The following TMEM170B variants were observed in gnomAD, a reference collection of about 807,000 sequenced individuals.
The protein encoded by TMEM170B is transmembrane protein 170B.
Under a neutral mutation model 13.0 loss-of-function variants are expected in TMEM170B, and 6 were observed. The observed-to-expected ratio is 0.46, with a 90% CI of 0.25 to 0.91. TMEM170B has a LOEUF of 0.91. Ranked by LOEUF, TMEM170B falls within the 40% of genes least tolerant of loss-of-function variation. The pLI is 0.17. For synonymous variants in TMEM170B, 61 were observed against 64.9 expected (o/e 0.94, Z 0.29); for missense variants, 138 against 165.2 (o/e 0.84, Z 0.90).
Position 11,575,177 on chromosome 6 carries a change from A to G in TMEM170B, c.269-254A>G, listed in dbSNP as rs1759857634. Among the ~76,000 whole-genome samples the G allele has an allele frequency of 6.6e-6, 1 of 152,142 alleles. No homozygotes were observed. The highest frequency in any genetic ancestry group is 1.5e-5 in the Non-Finnish European group (1 of 68,022). On this transcript the variant is annotated intron_variant, in intron 2 of 2. Transcript: ENST00000379426. This position sits in a 1 kb window ranked among gnomAD's most constrained non-coding sequence, Gnocchi z 4.1. ...TTTATGAACATATTTGCTATCAAGT[A>G]TGCAGCATATACCATAAATATATAT...
intron 1 of TMEM170B, among the ~76,000 whole-genome samples, chr6:11,550,478 C>CT (rs889169994): frequency 2.4e-4 from 36 of 147,558 alleles, no homozygotes; most frequent in African/African-American, 3.2e-4. Flanking sequence ...CAGCCAATTT[C>CT]TTTTTTTTTT....
chr6:11,554,223 T>A (rs1759560016), intron 1 of TMEM170B, among the ~76,000 whole-genome samples: 1 of 152,088 alleles, frequency 6.6e-6, no homozygotes, highest in African/African-American at 2.4e-5. Flanking sequence ...TTGTAAAACA[T>A]TTTATCCTTC....
At chr6:11,566,689 C>T (rs1759736998) in intron 2 of TMEM170B, among the ~76,000 whole-genome samples, 1 of 152,244 alleles carries the variant, frequency 6.6e-6, no homozygotes, top group Non-Finnish European at 1.5e-5. Flanking sequence ...CTTTGGAGGT[C>T]AAGTGCCCCA....
rs2113792290 is a variant in TMEM170B at position 11,582,562 on chromosome 6, T to A, written c.*7001T>A. ...TTTCTCTATTTTTTCTTTTTCCAAGTATGAAATGGAAAAAAATGTAGTTAA... is the reference window on the plus strand; with the variant it reads ...TTTCTCTATTTTTTCTTTTTCCAAGAATGAAATGGAAAAAAATGTAGTTAA... On this transcript the variant is annotated 3_prime_UTR_variant, in exon 3 of 3. Transcript: ENST00000379426. 1 of 152,320 alleles carries A rather than the reference T, an allele frequency of 6.6e-6. No individual in the cohort carries two copies. Among genetic ancestry groups the A allele is most frequent in the East Asian group, 1.9e-4 (1 of 5,192 alleles). The allele number at this position is 152,320 out of a possible 1,614,324, so 9.4% of individuals were successfully genotyped here.
intron 2 of TMEM170B, among the ~76,000 whole-genome samples, chr6:11,573,711 G>T (rs1288306183): frequency 2.0e-5 from 3 of 152,116 alleles, no homozygotes; most frequent in Non-Finnish European, 4.4e-5. Flanking sequence ...CCTTGCTGTG[G>T]ATCATGATTG....
At chr6:11,574,542 C>T (rs1239145610) in intron 2 of TMEM170B, among the ~76,000 whole-genome samples, 1 of 152,056 alleles carries the variant, frequency 6.6e-6, no homozygotes, top group Non-Finnish European at 1.5e-5. Flanking sequence ...TTTTATCTAA[C>T]CATTTTAGGA....
chr6:11,537,912 C>G lies in TMEM170B; in HGVS notation c.-366C>G, dbSNP rs1415179367. ...ACCGGCCTCCTGGCGTGACCTCGGC[C>G]TCCTCGCGTGTCCAGTCCCCGCGGC... On this transcript the variant is annotated 5_prime_UTR_variant, in exon 1 of 3. Coordinates refer to ENST00000379426, the MANE Select transcript of TMEM170B (RefSeq NM_001100829.3). 6.6e-6 allele frequency among the ~76,000 whole-genome samples: 1 copy of G among 151,698 alleles called. No individual in the cohort carries two copies. Among genetic ancestry groups the G allele is most frequent in the Non-Finnish European group, 1.5e-5 (1 of 67,846 alleles).
In TMEM170B at chr6:11,537,989, T is replaced by C. The variant is rs1003903759; in HGVS notation, c.-289T>C. On this transcript the variant is annotated 5_prime_UTR_variant, in exon 1 of 3. Coordinates refer to ENST00000379426, the MANE Select transcript of TMEM170B (RefSeq NM_001100829.3). ...CGGCGGCCTCCTCCGCCCCGAGTCC[T>C]CGCTCGGGGGCCGCGCGAGGACGGC... 4.0e-5 allele frequency among the ~76,000 whole-genome samples: 6 copies of C among 150,714 alleles called. No individual in the cohort carries two copies. Among genetic ancestry groups the C allele is most frequent in the Admixed American group, 2.0e-4 (3 of 15,196 alleles).
chr6:11,569,399 A>G (rs1041869439), intron 2 of TMEM170B, among the ~76,000 whole-genome samples: 1 of 152,100 alleles, frequency 6.6e-6, no homozygotes, highest in Non-Finnish European at 1.5e-5. Flanking sequence ...ATTCTGATAT[A>G]TTTTCTTCTA....
intron 2 of TMEM170B, among the ~76,000 whole-genome samples, chr6:11,574,634 C>T (rs1759850464): frequency 6.6e-6 from 1 of 152,116 alleles, no homozygotes; most frequent in South Asian, 2.1e-4. Context: ...AATGTTTCCT[C>T]CTTTATGGTT....
intron 1 of TMEM170B, among the ~76,000 whole-genome samples, chr6:11,551,871 A>T (rs772624353): frequency 1.3e-5 from 2 of 152,210 alleles, no homozygotes; most frequent in African/African-American, 2.4e-5. Context: ...TACTACCAGG[A>T]CATGATTATG....
rs527372471 is a variant in TMEM170B, at chr6:11,559,878, T to C, written c.98-5788T>C. 1.5e-4 allele frequency among the ~76,000 whole-genome samples: 23 copies of C among 152,066 alleles called. 1 individual carries two copies. Among genetic ancestry groups the C allele is most frequent in the African/African-American group, 5.5e-4 (23 of 41,556 alleles). On this transcript the variant is annotated intron_variant, in intron 1 of 2. Transcript: ENST00000379426. Reference sequence around the variant, plus strand: ...TAAATGGTATTTTCAGCTTGATTTCTAGAATGTTTAGTGCATAGTAAGTTT... The same window carrying C: ...TAAATGGTATTTTCAGCTTGATTTCCAGAATGTTTAGTGCATAGTAAGTTT...
chr6:11,554,708 C>A (rs552548), intron 1 of TMEM170B, among the ~76,000 whole-genome samples: 2 of 152,056 alleles, frequency 1.3e-5, no homozygotes, highest in Non-Finnish European at 1.5e-5. Context: ...GTTTAAGTGG[C>A]TAATAAACAG....
At chr6:11,555,726 GTC>G (rs1759578786) in intron 1 of TMEM170B, among the ~76,000 whole-genome samples, 1 of 152,084 alleles carries the variant, frequency 6.6e-6, no homozygotes, top group Non-Finnish European at 1.5e-5. Context: ...TTATTATAAA[GTC>G]TCTGTCTGGT....
intron 1 of TMEM170B, among the ~76,000 whole-genome samples, chr6:11,545,264 TTCTC>T (rs368272768): frequency 6.3e-5 from 8 of 127,924 alleles, no homozygotes; most frequent in East Asian, 2.4e-4. Context: ...GTTAAAAGGC[TTCTC>T]TCTCTCTCTC....
intron 1 of TMEM170B, among the ~76,000 whole-genome samples, chr6:11,565,337 T>C (rs1185702891): frequency 6.6e-6 from 1 of 152,262 alleles, no homozygotes; most frequent in African/African-American, 2.4e-5. Context: ...TTTCAAACAG[T>C]AATTTTATAA....
chr6:11,577,810 T>C lies in TMEM170B; in HGVS notation c.*2249T>C, dbSNP rs1007680110. On this transcript the variant is annotated 3_prime_UTR_variant, in exon 3 of 3. Transcript: ENST00000379426. The stretch of plus-strand genomic sequence containing the variant: ...CTTTACATTATCAATTGTGTGTGTA[T>C]GTGTATACTTTTAATTTTAGGGGTT... 8 of 152,156 alleles carry C rather than the reference T, an allele frequency of 5.3e-5. No individual in the cohort carries two copies. The highest frequency in any genetic ancestry group is 1.9e-4 in the African/African-American group (8 of 41,468). 9.4% of individuals were successfully genotyped at this position (152,156 alleles called of 1,614,324 possible).
chr6:11,562,898 C>G (rs187537162), intron 1 of TMEM170B, among the ~76,000 whole-genome samples: 1 of 152,180 alleles, frequency 6.6e-6, no homozygotes, highest in African/African-American at 2.4e-5. Flanking sequence ...AATAACCATA[C>G]CCTCCTTCCT....
chr6:11,576,902 A>G lies in TMEM170B; in HGVS notation c.*1341A>G, dbSNP rs1466230439. 1 of 152,116 alleles carries G rather than the reference A, an allele frequency of 6.6e-6. No individual in the cohort carries two copies. Among genetic ancestry groups the G allele is most frequent in the Non-Finnish European group, 1.5e-5 (1 of 67,962 alleles). 9.4% of individuals were successfully genotyped at this position (152,116 alleles called of 1,614,324 possible). A position where few individuals can be genotyped will look rare whatever the true frequency, so the allele number is the denominator to read the frequency against. ...AAATGTCCTTTATATAAAACATTTTAAGAGGTTCTGGCAATACGTAATTGT... is the reference window on the plus strand; with the variant it reads ...AAATGTCCTTTATATAAAACATTTTGAGAGGTTCTGGCAATACGTAATTGT... On this transcript the variant is annotated 3_prime_UTR_variant, in exon 3 of 3. Transcript: ENST00000379426.
Sources: allele counts gnomAD v4.1 joint callset (sites outside exome capture counted in the v4.1 genomes callset), GRCh38; gene constraint gnomAD v4.1.1; non-coding constraint Gnocchi (gnomAD v3.1); transcripts MANE v1.5; gene names NCBI Gene and HGNC (gene_info 2026-07-23, HGNC 2026-07-21).